PRKCA: variants seen among roughly 807,000 people sequenced by gnomAD.
PRKCA encodes protein kinase C alpha type.
Under a neutral mutation model 87.0 loss-of-function variants are expected in PRKCA, and 27 were observed. The ratio of observed to expected loss-of-function variants is 0.31; its 90% confidence interval spans 0.23 to 0.43. The LOEUF (loss-of-function observed/expected upper bound fraction) is 0.43. PRKCA is among the 20% of genes least tolerant of loss of function. The probability of loss-of-function intolerance (pLI) is 1.00; values close to 1 mark genes in which losing one functional copy is unlikely to be tolerated. For synonymous variants in PRKCA, 329 were observed against 311.1 expected, an observed-to-expected ratio of 1.06 and a Z score of -0.61; for missense variants, 518 against 852.3, an observed-to-expected ratio of 0.61 and a Z score of 4.88.
chr17:66,623,049 C>T (rs888518373), intron 3 of PRKCA, among the ~76,000 whole-genome samples: 3 of 152,212 alleles, frequency 2.0e-5, no homozygotes, highest in African/African-American at 7.2e-5. Context: ...CTCCCATTTC[C>T]TGTAGGACAG....
At chr17:66,371,711 T>A (rs1909115317) in intron 2 of PRKCA, among the ~76,000 whole-genome samples, 1 of 152,154 alleles carries the variant, frequency 6.6e-6, no homozygotes, top group Admixed American at 6.5e-5. Context: ...ATCTGTAATA[T>A]ATATGTTGCT....
chr17:66,656,499 T>C (rs1310434474), intron 5 of PRKCA, among the ~76,000 whole-genome samples: 2 of 148,630 alleles, frequency 1.3e-5, no homozygotes, highest in Admixed American at 6.9e-5. Flanking sequence ...AAGCACAAGA[T>C]TAATTGCTGT....
At chr17:66,569,776 A>T (rs1012446461) in intron 3 of PRKCA, among the ~76,000 whole-genome samples, 2 of 152,182 alleles carry the variant, frequency 1.3e-5, no homozygotes, top group Non-Finnish European at 2.9e-5. Flanking sequence ...GAAAAAGACC[A>T]CAGTACTAAG....
intron 9 of PRKCA, among the ~76,000 whole-genome samples, chr17:66,733,889 C>T (rs80296030): frequency 0.022 from 3,351 of 152,326 alleles, 113 homozygotes; most frequent in African/African-American, 0.076. Context: ...GCTCTGCAAG[C>T]TGCTGAAACT....
intron 2 of PRKCA, among the ~76,000 whole-genome samples, chr17:66,488,473 C>T (rs1185466592): frequency 6.6e-6 from 1 of 152,122 alleles, no homozygotes; most frequent in African/African-American, 2.4e-5. Context: ...AGTGCTAACA[C>T]CATTTACTCA....
chr17:66,360,575 G>T (rs1908333176), intron 2 of PRKCA, among the ~76,000 whole-genome samples: 1 of 152,174 alleles, frequency 6.6e-6, no homozygotes, highest in Non-Finnish European at 1.5e-5. Context: ...CTTAAATGTT[G>T]CTTGTGGCAG....
At chr17:66,423,878 C>A (rs920035200) in intron 2 of PRKCA, among the ~76,000 whole-genome samples, 3 of 146,502 alleles carry the variant, frequency 2.0e-5, no homozygotes, top group Non-Finnish European at 4.6e-5. Context: ...TATGTGGCTC[C>A]ATTCCACCGT....
At chr17:66,326,905 G>A (rs1906010680) in intron 2 of PRKCA, among the ~76,000 whole-genome samples, 1 of 152,036 alleles carries the variant, frequency 6.6e-6, no homozygotes, top group Non-Finnish European at 1.5e-5. Flanking sequence ...TTTTAATAAT[G>A]GATTCATGTA....
At chr17:66,773,577 C>T (rs555168196) in intron 13 of PRKCA, among the ~76,000 whole-genome samples, 60 of 148,268 alleles carry the variant, frequency 4.0e-4, no homozygotes, top group African/African-American at 1.5e-3. Context: ...TGGTTTCAAA[C>T]TCCTGGACTC....
In PRKCA at chr17:66,799,862, C is replaced by T. The variant is rs1021148255; in HGVS notation, c.1855-4011C>T. Among the ~76,000 whole-genome samples the T allele has an allele frequency of 6.6e-5, 10 of 152,018 alleles. No individual in the cohort carries two copies. The South Asian group carries it at 1.7e-3, about 25-fold the overall frequency. On this transcript the variant is annotated intron_variant, in intron 16 of 16. Transcript: ENST00000413366. ...AGACCTTCTATGGTGGAAAAGGAGA[C>T]GATGTTTCTCACCAGGCCGAATCTG...
At chr17:66,486,683 A>G (rs940214910) in intron 2 of PRKCA, among the ~76,000 whole-genome samples, 1 of 152,022 alleles carries the variant, frequency 6.6e-6, no homozygotes, top group Non-Finnish European at 1.5e-5. Context: ...CTTGGTCCAC[A>G]GTCCCCCGTT....
chr17:66,666,837 C>CA (rs1005142538), intron 5 of PRKCA, among the ~76,000 whole-genome samples: 7 of 152,054 alleles, frequency 4.6e-5, no homozygotes, highest in East Asian at 1.9e-4. Context: ...ATCCCCCCCC[C>CA]ACACACAAAT....
intron 2 of PRKCA, among the ~76,000 whole-genome samples, chr17:66,402,246 C>A (rs912578546): frequency 6.6e-6 from 1 of 152,032 alleles, no homozygotes; most frequent in Admixed American, 6.5e-5. Flanking sequence ...CGTGGAGATA[C>A]CAGGCCGTGT....
At chr17:66,352,298 T>C (rs1457183890) in intron 2 of PRKCA, among the ~76,000 whole-genome samples, 1 of 152,162 alleles carries the variant, frequency 6.6e-6, no homozygotes, top group African/African-American at 2.4e-5. Flanking sequence ...AGGGAACTCA[T>C]CAGTGTCTTC....
At chr17:66,498,674 G>A (rs1916589132) in intron 3 of PRKCA, among the ~76,000 whole-genome samples, 1 of 152,222 alleles carries the variant, frequency 6.6e-6, no homozygotes, top group African/African-American at 2.4e-5. Context: ...ACACTGAGCA[G>A]GTTTCTCTAA....
At chr17:66,434,253 A>G (rs1913249373) in intron 2 of PRKCA, among the ~76,000 whole-genome samples, 1 of 131,142 alleles carries the variant, frequency 7.6e-6, no homozygotes, top group Non-Finnish European at 1.8e-5. Context: ...GTTTAATGCC[A>G]TCAAGGGGTA....
chr17:66,778,240 C>G (rs62621679), intron 14 of PRKCA: 29,381 of 980,684 alleles, frequency 0.03, 525 homozygotes, highest in Middle Eastern at 0.081. Flanking sequence ...ATGGCTGGGC[C>G]CGGTGGCTCA....
intron 3 of PRKCA, among the ~76,000 whole-genome samples, chr17:66,514,509 T>C (rs928757567): frequency 3.9e-5 from 6 of 152,138 alleles, no homozygotes; most frequent in African/African-American, 1.4e-4. Context: ...TTGAACTGAA[T>C]AGGAGGCTCG....
At chr17:66,406,868 G>C (rs1049594912) in intron 2 of PRKCA, among the ~76,000 whole-genome samples, 1 of 151,988 alleles carries the variant, frequency 6.6e-6, no homozygotes, top group East Asian at 1.9e-4. Context: ...GGAGAAAAGA[G>C]CTCCTGTCTG....
Sources: allele counts gnomAD v4.1 joint callset (sites outside exome capture counted in the v4.1 genomes callset), GRCh38; gene constraint gnomAD v4.1.1; transcripts MANE v1.5; gene names NCBI Gene and HGNC (gene_info 2026-07-23, HGNC 2026-07-21).